DPP10: variants seen among roughly 807,000 people sequenced by gnomAD.
DPP10 encodes the protein inactive dipeptidyl peptidase 10.
A neutral mutation model predicts 120.9 loss-of-function variants in DPP10; 33 were observed. The observed-to-expected ratio is 0.27, with a 90% CI of 0.21 to 0.37. The LOEUF (loss-of-function observed/expected upper bound fraction) is 0.37, where lower values mean the gene tolerates loss of function less well. DPP10 is among the 10% of genes least tolerant of loss of function. The pLI, the probability that DPP10 is intolerant of heterozygous loss-of-function variation, is 1.00. For missense variants in DPP10, 816 were observed against 942.8 expected (o/e 0.87, Z 1.76); for synonymous variants, 337 against 326.1 (o/e 1.03, Z -0.36).
At chr2:114,472,416 T>G (rs1679997005) in intron 1 of DPP10, among the ~76,000 whole-genome samples, 1 of 152,190 alleles carries the variant, frequency 6.6e-6, no homozygotes, top group Non-Finnish European at 1.5e-5. Context: ...ATAAGTGCTT[T>G]AAGAGGGATT....
chr2:115,122,577 G>A (rs2049879691), intron 1 of DPP10, among the ~76,000 whole-genome samples: 1 of 152,238 alleles, frequency 6.6e-6, no homozygotes, highest in Non-Finnish European at 1.5e-5. Context: ...AATGAGCCGA[G>A]ACACATCTAT....
intron 5 of DPP10, among the ~76,000 whole-genome samples, chr2:115,662,355 G>T (rs2089059975): frequency 6.6e-6 from 1 of 152,048 alleles, no homozygotes; most frequent in South Asian, 2.1e-4. Context: ...TAAGGACCCT[G>T]ATTTTGTATC....
chr2:114,661,907 G>C (rs1697432278), intron 1 of DPP10, among the ~76,000 whole-genome samples: 1 of 151,972 alleles, frequency 6.6e-6, no homozygotes, highest in South Asian at 2.1e-4. Context: ...TACACAATGA[G>C]CCCAGGGGTT....
chr2:114,564,468 T>C (rs1044566008), intron 1 of DPP10, among the ~76,000 whole-genome samples: 1 of 152,174 alleles, frequency 6.6e-6, no homozygotes, highest in South Asian at 2.1e-4. Context: ...CTATTTCATA[T>C]TGATTCTCAT....
intron 1 of DPP10, among the ~76,000 whole-genome samples, chr2:115,178,849 A>G (rs1237442490): frequency 1.3e-5 from 2 of 152,236 alleles, no homozygotes; most frequent in Non-Finnish European, 2.9e-5. Context: ...CAAAAATATC[A>G]TCGGGTCAAA....
At chr2:114,958,481 G>T (rs944246288) in intron 1 of DPP10, among the ~76,000 whole-genome samples, 24 of 152,148 alleles carry the variant, frequency 1.6e-4, no homozygotes, top group African/African-American at 5.8e-4. Flanking sequence ...ATGGTGAATA[G>T]AATTAATGCA....
In DPP10 at chr2:115,755,425, C is replaced by T. The variant is rs115592344; in HGVS notation, c.1074+2128C>T. On this transcript the variant is annotated intron_variant, in intron 11 of 25. Transcript: ENST00000410059. ...GAACAGATATTAGGGAAAGGACAGCCTCTTTAGTAAATATTGCTGGAAAAC... is the reference window on the plus strand; with the variant it reads ...GAACAGATATTAGGGAAAGGACAGCTTCTTTAGTAAATATTGCTGGAAAAC... Among the ~76,000 whole-genome samples the T allele has an allele frequency of 8.5e-3, 1,294 of 152,070 alleles. 11 individuals are homozygous for T. The highest frequency in any genetic ancestry group is 0.017 in the Middle Eastern group (5 of 292).
intron 3 of DPP10, among the ~76,000 whole-genome samples, chr2:115,379,122 G>T (rs1208383133): frequency 6.6e-6 from 1 of 152,188 alleles, no homozygotes; most frequent in Non-Finnish European, 1.5e-5. Context: ...GTTTCAGAAG[G>T]AATGGTACCA....
intron 1 of DPP10, among the ~76,000 whole-genome samples, chr2:114,479,491 C>T (rs114245787): frequency 0.02 from 3,098 of 151,996 alleles, 48 homozygotes; most frequent in Non-Finnish European, 0.033. Context: ...GAAAAGATAG[C>T]CTTTTCAACA....
intron 1 of DPP10, among the ~76,000 whole-genome samples, chr2:114,594,104 G>A (rs1691684738): frequency 6.6e-6 from 1 of 152,004 alleles, no homozygotes; most frequent in South Asian, 2.1e-4. Flanking sequence ...GCTGGGAAAG[G>A]CAGACCCACC....
intron 1 of DPP10, among the ~76,000 whole-genome samples, chr2:115,113,615 G>T (rs933424342): frequency 6.6e-6 from 1 of 152,036 alleles, no homozygotes; most frequent in Non-Finnish European, 1.5e-5. Context: ...TTACATAAAG[G>T]TGGAAGAGGA....
intron 21 of DPP10, among the ~76,000 whole-genome samples, chr2:115,831,254 C>CTTTCTTTCTTTCTTTA (rs763177916): frequency 1.3e-5 from 2 of 151,884 alleles, no homozygotes; most frequent in African/African-American, 4.8e-5. Flanking sequence ...TTCTTTCTTT[C>CTTTCTTTCTTTCTTTA]TTTCTTTATT....
At chr2:114,846,227 A>T (rs534885810) in intron 1 of DPP10, among the ~76,000 whole-genome samples, 1 of 152,186 alleles carries the variant, frequency 6.6e-6, no homozygotes, top group Non-Finnish European at 1.5e-5. Context: ...CTAAGAACCC[A>T]GTTTCACAAA....
At chr2:115,546,707 G>A (rs561299485) in intron 5 of DPP10, among the ~76,000 whole-genome samples, 1 of 152,234 alleles carries the variant, frequency 6.6e-6, no homozygotes, top group Admixed American at 6.5e-5. Flanking sequence ...TTTCTTTGCA[G>A]ATAGTCAAGA....
chr2:115,722,223 A>G (rs1052897799), intron 7 of DPP10, among the ~76,000 whole-genome samples: 1 of 151,942 alleles, frequency 6.6e-6, no homozygotes, highest in Non-Finnish European at 1.5e-5. Context: ...GTACGCTTAC[A>G]GATTTAAGAG....
At position 114,664,834 on chromosome 2, in the gene DPP10, GAGAGCATCCAAAAGATGGGAT is replaced by G. The variant is rs1558982548; in HGVS notation, c.60+222015_60+222035del. Among the ~76,000 whole-genome samples the G allele has an allele frequency of 1.5e-3, 212 of 142,876 alleles. 1 individual carries two copies. The highest frequency in any genetic ancestry group is 2.0e-3 in the Non-Finnish European group (133 of 66,588). 93.7% of individuals were successfully genotyped at this position (142,876 alleles called of 152,430 possible). On this transcript the variant is annotated intron_variant, in intron 1 of 25. Transcript: ENST00000410059. ...GGCAGAGAGCATCCAAAAGATGGCA[GAGAGCATCCAAAAGATGGGAT>G]AGAGCATCCAAAAGATGGCATAGAG...
At chr2:115,266,706 ATGGCT>A (rs147844407) in intron 1 of DPP10, among the ~76,000 whole-genome samples, 2,048 of 152,288 alleles carry the variant, frequency 0.013, 45 homozygotes, top group African/African-American at 0.048. Flanking sequence ...GACAATGCAA[ATGGCT>A]TCATATTCGA....
chr2:115,833,731 G>T (rs528674167), intron 21 of DPP10, among the ~76,000 whole-genome samples: 1 of 152,156 alleles, frequency 6.6e-6, no homozygotes, highest in Admixed American at 6.5e-5. Context: ...TGTGTATAAG[G>T]TATATTAAAG....
chr2:115,371,768 A>G lies in DPP10; in HGVS notation c.271+27856A>G, dbSNP rs992402915. Among the ~76,000 whole-genome samples, 6 of 152,280 alleles carry G rather than the reference A, an allele frequency of 3.9e-5. No homozygotes were observed. In the East Asian group the frequency reaches 5.8e-4, roughly 15 times the overall value. On this transcript the variant is annotated intron_variant, in intron 3 of 25. Coordinates refer to ENST00000410059, the MANE Select transcript of DPP10 (RefSeq NM_020868.6). ...TGAAAAACAGTATATATTTTGGTTT[A>G]GTCTACTATTAATAGAGGAAAGTTA... is the stretch of plus-strand genomic sequence containing the variant.
Sources: allele counts gnomAD v4.1 joint callset (sites outside exome capture counted in the v4.1 genomes callset), GRCh38; gene constraint gnomAD v4.1.1; transcripts MANE v1.5; gene names NCBI Gene and HGNC (gene_info 2026-07-23, HGNC 2026-07-21).